Variants in MTO1 observed in about 807,000 individuals in gnomAD.
The protein encoded by MTO1 is 5-taurinomethyluridine-[tRNA] synthase subunit MTO1, mitochondrial.
MTO1 carries 46 observed loss-of-function variants against 71.6 expected under a neutral mutation model. That is an observed-to-expected ratio of 0.64 (90% CI 0.51 to 0.82). The LOEUF (loss-of-function observed/expected upper bound fraction) is 0.82, where lower values mean the gene tolerates loss of function less well. Ranked by LOEUF, MTO1 falls within the 40% of genes least tolerant of loss-of-function variation. MTO1 has a pLI of 0.00. For synonymous variants in MTO1, 297 were observed against 312.1 expected (o/e 0.95, Z 0.51); for missense variants, 773 against 867.5 (o/e 0.89, Z 1.37).
rs608026 is a variant in MTO1 at position 73,492,550 on chromosome 6, T to C, written c.1756+198T>C. ...CTTGGCTGGGCACAGTGGCTCATGC[T>C]TATAATCCCAGCACTTTGGGAGGCT... On this transcript the variant is annotated intron_variant, in intron 10 of 11. Coordinates refer to ENST00000498286, the MANE Select transcript of MTO1 (RefSeq NM_012123.4). The C allele has an allele frequency of 0.92, 415,557 of 453,358 alleles. 190,719 individuals carry two copies. Among genetic ancestry groups the C allele is most frequent in the East Asian group, 0.94 (23,569 of 25,118 alleles). 28.1% of individuals were successfully genotyped at this position (453,358 alleles called of 1,614,324 possible).
intron 10 of MTO1, among the ~76,000 whole-genome samples, chr6:73,493,288 C>T (rs1259400547): frequency 1.4e-5 from 2 of 148,028 alleles, no homozygotes; most frequent in Admixed American, 1.4e-4. Context: ...AGCCACTGCA[C>T]CTGGCCAAAA....
At position 73,462,011 on chromosome 6, in the gene MTO1, A is replaced by G. The variant is rs1770833173; in HGVS notation, c.157A>G (p.Thr53Ala). 1 of 1,613,160 alleles carries G rather than the reference A, an allele frequency of 6.2e-7. No homozygotes were observed. The highest frequency in any genetic ancestry group is 1.3e-5 in the African/African-American group (1 of 75,046). The change falls in exon 1 of 12, where the codon ACC (threonine) becomes GCC (alanine). Residue 53 changes from threonine (T) to alanine (A), a missense_variant. Physicochemically the swap from Thr to Ala is moderately conservative, Grantham distance 58 (BLOSUM62 0). Coordinates refer to ENST00000498286, the MANE Select transcript of MTO1 (RefSeq NM_012123.4). ...GGGHAGTEAA[T>A]AAARCGSRTL... is the part of the protein sequence containing the mutation. The stretch of plus-strand genomic sequence containing the variant: ...AGGACATGCCGGGACTGAGGCAGCC[A>G]CCGCCGCCGCTCGGTGCGGCTCTCG...
intron 3 of MTO1, among the ~76,000 whole-genome samples, chr6:73,470,232 A>C (rs940737795): frequency 6.6e-6 from 1 of 151,652 alleles, no homozygotes; most frequent in Non-Finnish European, 1.5e-5. Flanking sequence ...TTTGAGACAG[A>C]GTCTCACTGT....
chr6:73,492,392 G>A (rs1342867075), intron 10 of MTO1, 40 bp downstream of exon 10: 1 of 1,304,724 alleles, frequency 7.7e-7, no homozygotes, highest in Non-Finnish European at 1.1e-6. Flanking sequence ...TTTATCATAT[G>A]TGCAAATTAT....
Position 73,462,041 on chromosome 6 carries a change from C to CG in MTO1, c.187_188insG (p.Leu63ArgfsTer16), listed in dbSNP as rs1770835950. 4.3e-6 allele frequency: 7 copies of CG among 1,613,922 alleles called. No homozygotes were observed. The East Asian group carries it at 1.6e-4, about 36-fold the overall frequency. On this transcript the variant is annotated frameshift_variant, in exon 1 of 12. Transcript: ENST00000498286. LOFTEE classifies it high-confidence loss of function. ...CGCCGCTCGGTGCGGCTCTCGGACT[C>CG]TGCTCCTCACTCACCGCGTGGACAC...
intron 9 of MTO1, among the ~76,000 whole-genome samples, chr6:73,487,420 G>A (rs931780775): frequency 7.3e-5 from 11 of 151,546 alleles, no homozygotes; most frequent in Non-Finnish European, 1.3e-4. Context: ...TCGAACTCCT[G>A]ACCACCTGCC....
intron 9 of MTO1, among the ~76,000 whole-genome samples, chr6:73,489,238 G>C (rs1459839285): frequency 6.7e-6 from 1 of 149,354 alleles, no homozygotes; most frequent in Non-Finnish European, 1.5e-5. Context: ...AAAATCATTT[G>C]ATTATATAGT....
rs747803200 is a variant in MTO1 at position 73,480,697 on chromosome 6, C to T, written c.1152C>T (p.Tyr384=). The T allele has an allele frequency of 2.4e-5, 39 of 1,613,800 alleles. No individual in the cohort carries two copies. The highest frequency in any genetic ancestry group is 3.1e-5 in the Non-Finnish European group (37 of 1,179,866). Residue 384 remains tyrosine (Y), a synonymous_variant, in exon 7 of 12, where the codon TAC becomes TAT. Coordinates refer to ENST00000498286, the MANE Select transcript of MTO1 (RefSeq NM_012123.4). ...IQPGYGVQYD[Y]LDPRQITPSL... is the part of the protein sequence containing the mutation. ...CAGGCTACGGTGTTCAGTATGATTA[C>T]TTAGATCCCCGTCAGATCACCCCTT...
chr6:73,492,035 G>A, intron 9 of MTO1, 199 bp from the exon 10 acceptor site: 1 of 428,250 alleles, frequency 2.3e-6, no homozygotes, highest in Non-Finnish European at 4.3e-6. Context: ...CCAGCAGGTG[G>A]GGATTGCAGT....
intron 3 of MTO1, among the ~76,000 whole-genome samples, chr6:73,471,959 C>T (rs1406125345): frequency 1.3e-5 from 2 of 152,136 alleles, no homozygotes; most frequent in African/African-American, 4.8e-5. Flanking sequence ...AACAAAAAGT[C>T]CCCATTACCT....
chr6:73,486,211 G>A lies in MTO1; in HGVS notation c.1637+3591G>A, dbSNP rs565109764. 3.9e-5 allele frequency among the ~76,000 whole-genome samples: 6 copies of A among 152,064 alleles called. No individual in the cohort carries two copies. In the East Asian group the frequency reaches 1.2e-3, roughly 29 times the overall value. On this transcript the variant is annotated intron_variant, in intron 9 of 11. Coordinates refer to ENST00000498286, the MANE Select transcript of MTO1 (RefSeq NM_012123.4). Reference sequence around the variant, plus strand: ...TCCTACCTCTGCCTCCCAAAGTGCTGGGATTACAGACATAATCCCCCCAAA... The same window carrying A: ...TCCTACCTCTGCCTCCCAAAGTGCTAGGATTACAGACATAATCCCCCCAAA...
Position 73,473,789 on chromosome 6 carries a change from T to A in MTO1, c.825+135T>A, listed in dbSNP as rs1195461592. ...TTGCTTATAGTGCAAAGAAATGATT[T>A]TTTTTTTTTTTTTTTGAGATAAGGT... On this transcript the variant is annotated intron_variant, in intron 4 of 11. Coordinates refer to ENST00000498286, the MANE Select transcript of MTO1 (RefSeq NM_012123.4). The A allele has an allele frequency of 3.4e-5, 18 of 530,000 alleles. No individual in the cohort carries two copies. The South Asian group carries it at 4.9e-4, about 14-fold the overall frequency. 32.8% of individuals were successfully genotyped at this position (530,000 alleles called of 1,614,324 possible).
At position 73,461,940 on chromosome 6, in the gene MTO1, G is replaced by C; in HGVS notation, c.86G>C (p.Ser29Thr). The stretch of plus-strand genomic sequence containing the variant: ...CCGTTGGCACGGTTGAGCAGTGACA[G>C]CGCGGCGCCCCGGACTCCGCACTTC... ...QFPLARLSSDSAAPRTPHFDV... is the reference protein window; with the variant it reads ...QFPLARLSSDTAAPRTPHFDV... Residue 29 changes from serine to threonine, a missense_variant, in exon 1 of 12, where the codon AGC (serine) becomes ACC (threonine). Coordinates refer to ENST00000498286, the MANE Select transcript of MTO1 (RefSeq NM_012123.4). 3 of 1,614,270 alleles carry C rather than the reference G, an allele frequency of 1.9e-6. No homozygotes were observed. Among genetic ancestry groups the C allele is most frequent in the Non-Finnish European group, 2.5e-6 (3 of 1,180,052 alleles).
intron 3 of MTO1, among the ~76,000 whole-genome samples, chr6:73,470,997 C>T (rs373123436): frequency 1.3e-5 from 2 of 152,186 alleles, no homozygotes; most frequent in Non-Finnish European, 1.5e-5. Context: ...TTTGTCCCCT[C>T]AACCAGCCAG....
In MTO1 at chr6:73,461,777, C is replaced by G. The variant is rs1464731999; in HGVS notation, c.-78C>G. ...ATTAAAGCAAGATGGCCGCGCCCTG[C>G]AGATTGTCTCTTGTTGCGTAAGTTT... is the stretch of plus-strand genomic sequence containing the variant. On this transcript the variant is annotated 5_prime_UTR_variant, in exon 1 of 12. Transcript: ENST00000498286. 1 of 1,467,642 alleles carries G rather than the reference C, an allele frequency of 6.8e-7. No homozygotes were observed. The allele number at this position is 1,467,642 out of a possible 1,614,324, so 90.9% of individuals were successfully genotyped here. A position where few individuals can be genotyped will look rare whatever the true frequency, so the allele number is the denominator to read the frequency against.
chr6:73,471,415 G>T (rs943704632), intron 3 of MTO1: 2 of 447,656 alleles, frequency 4.5e-6, no homozygotes, highest in African/African-American at 2.0e-5. Flanking sequence ...CCCTTAAATT[G>T]TTTATTTTTT....
At chr6:73,483,259 A>C (rs1431378677) in intron 9 of MTO1, among the ~76,000 whole-genome samples, 1 of 151,934 alleles carries the variant, frequency 6.6e-6, no homozygotes, top group Non-Finnish European at 1.5e-5. Flanking sequence ...AAATACAAAA[A>C]TTAGCCGGGC....
intron 4 of MTO1, among the ~76,000 whole-genome samples, chr6:73,475,924 G>A (rs1771301606): frequency 6.6e-6 from 1 of 152,096 alleles, no homozygotes; most frequent in South Asian, 2.1e-4. Context: ...GATATCAGGT[G>A]GTGCTGCTGG....
At chr6:73,480,591 G>T in intron 6 of MTO1, 84 bp from the exon 7 acceptor site, 1 of 1,516,532 alleles carries the variant, frequency 6.6e-7, no homozygotes, top group Admixed American at 1.7e-5. Flanking sequence ...TTTTTAAAGG[G>T]CATTTAAGGG....
Sources: gnomAD v4.1 joint callset for allele counts (sites outside exome capture counted in the v4.1 genomes callset) on GRCh38, gnomAD v4.1.1 for gene constraint, MANE v1.5 for transcripts, NCBI Gene and HGNC (gene_info 2026-07-23, HGNC 2026-07-21) for gene names.